NEO1: variants seen among roughly 807,000 people sequenced by gnomAD.
NEO1 encodes the protein neogenin 1, also known as neogenin.
Under a neutral mutation model 159.7 loss-of-function variants are expected in NEO1, and 63 were observed. The observed-to-expected ratio is 0.39, with a 90% confidence interval of 0.32 to 0.49. NEO1 has a LOEUF of 0.49. Among genes scored for constraint, NEO1 ranks in the 20% least tolerant of loss-of-function variants. The pLI, the probability that NEO1 is intolerant of heterozygous loss-of-function variation, is 0.85. For synonymous variants in NEO1, 633 were observed against 662.0 expected (o/e 0.96, Z 0.67); for missense variants, 1,615 against 1,831.0 (o/e 0.88, Z 2.15).
At chr15:73,161,805 G>C (rs538818798) in intron 5 of NEO1, 265 of 298,040 alleles carry the variant, frequency 8.9e-4, no homozygotes, top group African/African-American at 5.7e-3. Context: ...CAGAGATCTT[G>C]AATTACCTCC....
At chr15:73,297,102 C>A (rs1290012498) in intron 26 of NEO1, among the ~76,000 whole-genome samples, 1 of 152,164 alleles carries the variant, frequency 6.6e-6, no homozygotes, top group Non-Finnish European at 1.5e-5. Flanking sequence ...AGCTGGTCAC[C>A]AGCTCATGCT....
At position 73,288,517 on chromosome 15, in the gene NEO1, C is replaced by A. The variant is rs2042034925; in HGVS notation, c.3615C>A (p.Asp1205Glu). 6.2e-7 allele frequency: 1 copy of A among 1,613,988 alleles called. No homozygotes were observed. The highest frequency in any genetic ancestry group is 1.3e-5 in the African/African-American group (1 of 74,924). The change falls in exon 24 of 29, where the codon GAC becomes GAA. Residue 1205 changes from aspartate to glutamate, a missense_variant. By Grantham distance (45) the Asp-to-Glu change is conservative. Transcript: ENST00000261908. Reference protein sequence around the residue: ...QDITPVDNSMDSNIHQRRNSY... With the variant: ...QDITPVDNSMESNIHQRRNSY... ...TCACACCAGTTGACAACTCCATGGA[C>A]AGCAATATCCATCAAAGGCGAAATT...
intron 1 of NEO1, among the ~76,000 whole-genome samples, chr15:73,062,221 A>C (rs1402100666): frequency 6.6e-6 from 1 of 152,092 alleles, no homozygotes; most frequent in Non-Finnish European, 1.5e-5. Context: ...TTGATAGAAG[A>C]AAAAAAACCT....
At chr15:73,062,308 C>T (rs1488864795) in intron 1 of NEO1, among the ~76,000 whole-genome samples, 1 of 152,110 alleles carries the variant, frequency 6.6e-6, no homozygotes, top group Non-Finnish European at 1.5e-5. Flanking sequence ...TATATTGTTT[C>T]TGAGAATTGC....
intron 11 of NEO1, among the ~76,000 whole-genome samples, chr15:73,250,092 G>A (rs1455703887): frequency 6.6e-6 from 1 of 151,988 alleles, no homozygotes; most frequent in Non-Finnish European, 1.5e-5. Flanking sequence ...AATGATATTT[G>A]CATGCCAAAT....
At position 73,301,456 on chromosome 15, in the gene NEO1, G is replaced by A. The variant is rs771782833; in HGVS notation, c.4301G>A (p.Ser1434Asn). The A allele has an allele frequency of 2.5e-6, 4 of 1,614,180 alleles. No individual in the cohort carries two copies. In the Admixed American group the frequency reaches 6.7e-5, roughly 27 times the overall value. The change falls in exon 28 of 29, where the codon AGT becomes AAT. Residue 1434 changes from serine to asparagine, a missense_variant and splice_region_variant. Ser to Asn is a conservative substitution (Grantham distance 46). Transcript: ENST00000261908. ...ACAAGGATGTTGGAAGACTCCGAGA[G>A]TGTAAGTTCGTGGGGCCATCAGTCC... is the stretch of plus-strand genomic sequence containing the variant. ...ETTRMLEDSESSYEPDELTKE... is the reference protein window; with the variant it reads ...ETTRMLEDSENSYEPDELTKE...
At chr15:73,073,869 C>T (rs560067615) in intron 1 of NEO1, among the ~76,000 whole-genome samples, 5 of 152,210 alleles carry the variant, frequency 3.3e-5, no homozygotes, top group African/African-American at 1.2e-4. Context: ...AGTGCCTTTT[C>T]CCCCTCATCT....
At chr15:73,149,444 C>T (rs575568239) in intron 5 of NEO1, among the ~76,000 whole-genome samples, 13 of 152,182 alleles carry the variant, frequency 8.5e-5, no homozygotes, top group Admixed American at 7.8e-4. Flanking sequence ...GATACAATGA[C>T]ATATAGGGCA....
intron 2 of NEO1, among the ~76,000 whole-genome samples, chr15:73,122,069 A>G (rs1325799961): frequency 0.068 from 1,714 of 25,128 alleles, 18 homozygotes; most frequent in Admixed American, 0.082. Context: ...GTGTGTATAT[A>G]TATATATATA....
intron 1 of NEO1, among the ~76,000 whole-genome samples, chr15:73,110,087 A>G (rs2070891959): frequency 6.6e-6 from 1 of 152,162 alleles, no homozygotes; most frequent in African/African-American, 2.4e-5. Context: ...CTAATTTTCT[A>G]AGGTAGTTGA....
intron 11 of NEO1, among the ~76,000 whole-genome samples, chr15:73,251,885 C>T (rs897618978): frequency 2.0e-5 from 3 of 152,134 alleles, no homozygotes; most frequent in African/African-American, 7.2e-5. Flanking sequence ...AAACTCCGTC[C>T]TGAGATTATT....
chr15:73,057,551 G>A (rs561648431), intron 1 of NEO1, among the ~76,000 whole-genome samples: 2 of 152,258 alleles, frequency 1.3e-5, no homozygotes, highest in Admixed American at 1.3e-4. Context: ...GAGAAGTTTT[G>A]TGTTTACGAT....
intron 26 of NEO1, 87 bp from the exon 27 acceptor site, chr15:73,298,261 A>G: frequency 6.5e-7 from 1 of 1,541,372 alleles, no homozygotes; most frequent in Admixed American, 1.8e-5. Context: ...GAGCTGGTTT[A>G]GGGAACCCCT....
At chr15:73,057,521 G>A (rs1005464140) in intron 1 of NEO1, among the ~76,000 whole-genome samples, 3 of 152,132 alleles carry the variant, frequency 2.0e-5, no homozygotes, top group Non-Finnish European at 2.9e-5. Flanking sequence ...CATATTGACC[G>A]GAGAGCTAAG....
intron 14 of NEO1, among the ~76,000 whole-genome samples, chr15:73,259,853 C>T (rs2040539719): frequency 1.3e-5 from 2 of 152,122 alleles, no homozygotes; most frequent in South Asian, 2.1e-4. Context: ...TAATGTGATG[C>T]TTAAACACCT....
At chr15:73,206,592 G>A (rs1303310620) in intron 7 of NEO1, among the ~76,000 whole-genome samples, 1 of 151,964 alleles carries the variant, frequency 6.6e-6, no homozygotes, top group Non-Finnish European at 1.5e-5. Context: ...GTTTGTTTTT[G>A]TTGTTGTTGT....
chr15:73,289,958 TA>T (rs1272812721), intron 25 of NEO1, among the ~76,000 whole-genome samples: 1 of 150,622 alleles, frequency 6.6e-6, no homozygotes. Flanking sequence ...TCAAAAAAAA[TA>T]AAAAAAATAA....
chr15:73,131,355 A>C (rs1198603561), intron 4 of NEO1, among the ~76,000 whole-genome samples: 4 of 152,258 alleles, frequency 2.6e-5, no homozygotes, highest in African/African-American at 7.2e-5. Context: ...ACGAAGAAAG[A>C]GGTCTCCTCA....
chr15:73,295,145 T>TATATATAA (rs1306550657), intron 26 of NEO1, among the ~76,000 whole-genome samples: 6 of 134,936 alleles, frequency 4.4e-5, no homozygotes, highest in African/African-American at 1.4e-4. Context: ...TATATATATG[T>TATATATAA]AAAAATTTGG....
Sources: allele counts gnomAD v4.1 joint callset (sites outside exome capture counted in the v4.1 genomes callset), GRCh38; gene constraint gnomAD v4.1.1; transcripts MANE v1.5; gene names NCBI Gene and HGNC (gene_info 2026-07-23, HGNC 2026-07-21).